The following FANK1 variants were observed in gnomAD, a reference collection of about 807,000 sequenced individuals.
FANK1 encodes fibronectin type III and ankyrin repeat domains 1.
A neutral mutation model predicts 45.3 loss-of-function variants in FANK1; 44 were observed. That is an observed-to-expected ratio of 0.97 (90% CI 0.76 to 1.25). The LOEUF (loss-of-function observed/expected upper bound fraction) is 1.25, where lower values mean the gene tolerates loss of function less well. FANK1 is among the 50% of genes most tolerant of loss of function. FANK1 has a pLI of 0.00. For missense variants in FANK1, 391 were observed against 424.4 expected (o/e 0.92, Z 0.69); for synonymous variants, 149 against 152.5 (o/e 0.98, Z 0.17).
chr10:125,911,257 C>A (rs1446494374), intron 1 of FANK1, among the ~76,000 whole-genome samples: 2 of 152,032 alleles, frequency 1.3e-5, no homozygotes, highest in African/African-American at 2.4e-5. Context: ...CAGTGATACA[C>A]GATCATAGAG....
At chr10:125,960,494 T>C (rs943530432) in intron 1 of FANK1, 1 of 166,188 alleles carries the variant, frequency 6.0e-6, no homozygotes, top group African/African-American at 2.4e-5. Context: ...GCCAATATTG[T>C]TGAAAGGACC....
chr10:125,960,647 C>T lies in FANK1; in HGVS notation c.14-19514C>T, dbSNP rs367674515. Reference sequence around the variant, plus strand: ...GTTCATGTCATTCTTCTGCCTCAGCCTCCAGAGTAGCTGGGACTACAGGCG... The same window carrying T: ...GTTCATGTCATTCTTCTGCCTCAGCTTCCAGAGTAGCTGGGACTACAGGCG... On this transcript the variant is annotated intron_variant, in intron 1 of 10. Transcript: ENST00000368693. Among the ~76,000 whole-genome samples the T allele has an allele frequency of 4.6e-5, 7 of 152,378 alleles. No individual in the cohort carries two copies. In the East Asian group the frequency reaches 1.2e-3, roughly 25 times the overall value.
chr10:125,981,329 G>A (rs1180314944), intron 2 of FANK1, among the ~76,000 whole-genome samples: 1 of 152,020 alleles, frequency 6.6e-6, no homozygotes, highest in East Asian at 1.9e-4. Context: ...GCAACATAGT[G>A]AAATCCCATC....
At chr10:125,945,766 G>A (rs1948749691) in intron 1 of FANK1, among the ~76,000 whole-genome samples, 1 of 152,240 alleles carries the variant, frequency 6.6e-6, no homozygotes, top group African/African-American at 2.4e-5. Context: ...AAGGAGGCCT[G>A]CCTGCCTCTG....
At chr10:125,995,946 C>T (rs1952295415) in intron 4 of FANK1, among the ~76,000 whole-genome samples, 1 of 152,182 alleles carries the variant, frequency 6.6e-6, no homozygotes, top group East Asian at 1.9e-4. Context: ...TTTGAAGTTA[C>T]CTTCTACATG....
intron 3 of FANK1, among the ~76,000 whole-genome samples, chr10:125,991,250 G>GGTGTGT (rs113257579): frequency 0.018 from 2,631 of 145,962 alleles, 38 homozygotes; most frequent in South Asian, 0.031. Context: ...GGTGACCAGG[G>GGTGTGT]GTGTGTGTGT....
intron 6 of FANK1, among the ~76,000 whole-genome samples, chr10:126,002,572 G>T (rs1320722584): frequency 2.6e-5 from 4 of 152,078 alleles, no homozygotes; most frequent in African/African-American, 7.2e-5. Context: ...GCCTTGCCTT[G>T]GGGGCTGGAT....
Position 125,968,536 on chromosome 10 carries a change from G to GT in FANK1, c.14-11617dup, listed in dbSNP as rs532153661. ...TTATATAGTGAATATATTTATATTTGTTTTTTTTCTTTATCATTTCCCACT... is the reference window on the plus strand; with the variant it reads ...TTATATAGTGAATATATTTATATTTGTTTTTTTTTCTTTATCATTTCCCACT... On this transcript the variant is annotated intron_variant, in intron 1 of 10. Transcript: ENST00000368693. Among the ~76,000 whole-genome samples, 656 of 151,782 alleles carry GT rather than the reference G, an allele frequency of 4.3e-3. 1 individual carries two copies. Among genetic ancestry groups the GT allele is most frequent in the African/African-American group, 0.015 (624 of 41,352 alleles).
intron 2 of FANK1, among the ~76,000 whole-genome samples, chr10:125,981,102 A>AT (rs1215811923): frequency 6.6e-6 from 1 of 152,204 alleles, no homozygotes; most frequent in Non-Finnish European, 1.5e-5. Flanking sequence ...TGAGAGACAA[A>AT]TAAGACTTCT....
rs1275844184 is a variant in FANK1, at chr10:126,009,445, CA to C, written c.*8del. On this transcript the variant is annotated 3_prime_UTR_variant, in exon 11 of 11. Coordinates refer to ENST00000368693, the MANE Select transcript of FANK1 (RefSeq NM_145235.5). ...GAAGTCTTGTGTCTGCTGATGAGAG[CA>C]CCACTCATCTGCGAAACGCACGTAA... 6.2e-7 allele frequency: 1 copy of C among 1,612,614 alleles called. No homozygotes were observed. Among genetic ancestry groups the C allele is most frequent in the Non-Finnish European group, 8.5e-7 (1 of 1,179,626 alleles).
chr10:126,005,913 G>A (rs377255367), intron 7 of FANK1, among the ~76,000 whole-genome samples: 16 of 152,116 alleles, frequency 1.1e-4, no homozygotes, highest in African/African-American at 3.1e-4. Flanking sequence ...TTGATTTCAC[G>A]TTATCAGAAA....
chr10:125,994,724 C>A (rs1197361785), intron 3 of FANK1: 1 of 985,230 alleles, frequency 1.0e-6, no homozygotes, highest in East Asian at 1.1e-4. Context: ...TTTATTCTCC[C>A]TCTGCTTGTG....
At chr10:125,929,674 G>T (rs900157664) in intron 1 of FANK1, among the ~76,000 whole-genome samples, 2 of 152,146 alleles carry the variant, frequency 1.3e-5, no homozygotes, top group Non-Finnish European at 2.9e-5. Flanking sequence ...ACAGTGGAGC[G>T]TGTGCAGGTT....
chr10:125,916,132 A>ACTTCAAGTGATTCTCCTGC, intron 1 of FANK1, among the ~76,000 whole-genome samples: 1 of 151,878 alleles, frequency 6.6e-6, no homozygotes. Flanking sequence ...CCGCCTCCTG[A>ACTTCAAGTGATTCTCCTGC]CTTCAAGTGA....
chr10:125,918,086 GAAA>G (rs373767283), intron 1 of FANK1, among the ~76,000 whole-genome samples: 2 of 140,922 alleles, frequency 1.4e-5, no homozygotes, highest in Non-Finnish European at 3.1e-5. Flanking sequence ...TCAGAAAAAA[GAAA>G]AAAAAAGGGT....
intron 1 of FANK1, among the ~76,000 whole-genome samples, chr10:125,955,078 A>C (rs1590031663): frequency 6.6e-6 from 1 of 151,854 alleles, no homozygotes; most frequent in South Asian, 2.1e-4. Flanking sequence ...AATATCTGTG[A>C]AACACTCATA....
At chr10:125,961,227 C>T (rs1162260813) in intron 1 of FANK1, among the ~76,000 whole-genome samples, 1 of 152,202 alleles carries the variant, frequency 6.6e-6, no homozygotes, top group Non-Finnish European at 1.5e-5. Context: ...GTACTTCAGC[C>T]TCCTGAGTAG....
chr10:126,004,866 T>G lies in FANK1; in HGVS notation c.540-18T>G. 2.5e-6 allele frequency: 4 copies of G among 1,612,984 alleles called. No individual in the cohort carries two copies. The highest frequency in any genetic ancestry group is 3.4e-6 in the Non-Finnish European group (4 of 1,178,986). On this transcript the variant is annotated intron_variant, in intron 6 of 10. Coordinates refer to ENST00000368693, the MANE Select transcript of FANK1 (RefSeq NM_145235.5). ...GACTGTGCTTATTGTCAAATGCCGCTTCTTCCATATGTTGCAGTCTAATGC... is the reference window on the plus strand; with the variant it reads ...GACTGTGCTTATTGTCAAATGCCGCGTCTTCCATATGTTGCAGTCTAATGC...
intron 7 of FANK1, among the ~76,000 whole-genome samples, chr10:126,006,854 C>T (rs1953255035): frequency 6.6e-6 from 1 of 152,150 alleles, no homozygotes; most frequent in Admixed American, 6.6e-5. Context: ...AGTGAGACTC[C>T]ATCTCAAATA....
Sources: gnomAD v4.1 joint callset for allele counts (sites outside exome capture counted in the v4.1 genomes callset) on GRCh38, gnomAD v4.1.1 for gene constraint, MANE v1.5 for transcripts, NCBI Gene and HGNC (gene_info 2026-07-23, HGNC 2026-07-21) for gene names.